ITGA6: variants seen among roughly 807,000 people sequenced by gnomAD.
The protein encoded by ITGA6 is integrin subunit alpha 6.
Under a neutral mutation model 133.6 loss-of-function variants are expected in ITGA6, and 63 were observed. The observed-to-expected ratio is 0.47, with a 90% CI of 0.38 to 0.58. ITGA6 has a LOEUF of 0.58. Among genes scored for constraint, ITGA6 ranks in the 20% least tolerant of loss-of-function variants. The pLI is 0.00. For synonymous variants in ITGA6, 434 were observed against 482.0 expected, an observed-to-expected ratio of 0.90 and a Z score of 1.30; for missense variants, 1,068 against 1,309.4, an observed-to-expected ratio of 0.82 and a Z score of 2.85.
chr2:172,456,396 A>C (rs1410318327), intron 1 of ITGA6, among the ~76,000 whole-genome samples: 2 of 152,194 alleles, frequency 1.3e-5, no homozygotes, highest in Non-Finnish European at 2.9e-5. Context: ...TGTTGAATTC[A>C]AGCTGCTGCA....
chr2:172,454,249 G>A (rs1685126743), intron 1 of ITGA6, among the ~76,000 whole-genome samples: 1 of 151,806 alleles, frequency 6.6e-6, no homozygotes, highest in Non-Finnish European at 1.5e-5. Flanking sequence ...GTGCCCACCT[G>A]ATTTTTGTAT....
In ITGA6 at chr2:172,453,217, A is replaced by AT. The variant is rs532859476; in HGVS notation, c.183-12309dup. 7.8e-3 allele frequency among the ~76,000 whole-genome samples: 1,154 copies of AT among 148,574 alleles called. 15 individuals carry two copies. The highest frequency in any genetic ancestry group is 0.025 in the African/African-American group (1,020 of 40,802). ...TTAATTATAATCTAACTGTTACACA[A>AT]TTTTTTTTTTTTTAAATCACAGTAC... On this transcript the variant is annotated intron_variant, in intron 1 of 25. Transcript: ENST00000684293.
At chr2:172,479,188 A>G (rs1453413828) in intron 9 of ITGA6, among the ~76,000 whole-genome samples, 1 of 152,240 alleles carries the variant, frequency 6.6e-6, no homozygotes, top group African/African-American at 2.4e-5. Flanking sequence ...AACTAGATCT[A>G]TGTGTATATA....
At chr2:172,497,783 G>C (rs1193582195) in intron 23 of ITGA6, among the ~76,000 whole-genome samples, 192 bp from the exon 24 acceptor site, 2 of 152,232 alleles carry the variant, frequency 1.3e-5, no homozygotes, top group East Asian at 3.9e-4. Flanking sequence ...AGATTCTGGG[G>C]AAAGATCTTC....
intron 1 of ITGA6, among the ~76,000 whole-genome samples, chr2:172,435,798 T>G (rs1017517188): frequency 6.6e-6 from 1 of 151,764 alleles, no homozygotes; most frequent in African/African-American, 2.4e-5. Flanking sequence ...CAGCAATTTT[T>G]TTGTGTTTTT....
At chr2:172,466,411 G>A (rs6728123) in intron 2 of ITGA6, among the ~76,000 whole-genome samples, 21,376 of 152,152 alleles carry the variant, frequency 0.14, 1,655 homozygotes, top group Non-Finnish European at 0.17. Context: ...TTTGAGGTCA[G>A]GAGTTCAAGA....
chr2:172,435,029 T>A (rs976877742), intron 1 of ITGA6, among the ~76,000 whole-genome samples: 3 of 109,050 alleles, frequency 2.8e-5, no homozygotes, highest in Non-Finnish European at 4.0e-5. Flanking sequence ...TGGTTTTAAG[T>A]GTGTGTGTGT....
At position 172,489,499 on chromosome 2, in the gene ITGA6, TA is replaced by T; in HGVS notation, c.2523del (p.Lys841AsnfsTer11). On this transcript the variant is annotated frameshift_variant, in exon 20 of 26. Coordinates refer to ENST00000684293, the MANE Select transcript of ITGA6 (RefSeq NM_000210.4). LOFTEE classifies it high-confidence loss of function. ...EYEFRVINLG[K>X]PLTNLGTATL... Reference sequence around the variant, plus strand: ...TTTTCTAACAGGTAATAAACTTAGGTAAACCTCTTACAAACCTCGGCACAGC... The same window carrying T: ...TTTTCTAACAGGTAATAAACTTAGGTAACCTCTTACAAACCTCGGCACAGC... 2 of 1,613,084 alleles carry T rather than the reference TA, an allele frequency of 1.2e-6. No individual in the cohort carries two copies. The highest frequency in any genetic ancestry group is 1.7e-6 in the Non-Finnish European group (2 of 1,179,046).
At chr2:172,500,820 C>T (rs1251375910) in intron 24 of ITGA6, among the ~76,000 whole-genome samples, 4 of 152,234 alleles carry the variant, frequency 2.6e-5, no homozygotes, top group East Asian at 3.9e-4. Context: ...CGGTTAGGCA[C>T]GTGGAATATG....
chr2:172,502,667 G>A (rs1687395688), intron 25 of ITGA6, among the ~76,000 whole-genome samples: 1 of 152,184 alleles, frequency 6.6e-6, no homozygotes, highest in South Asian at 2.1e-4. Context: ...TGTTGTGATG[G>A]AGTTTGACCA....
At chr2:172,476,602 T>C in intron 9 of ITGA6, 89 bp downstream of exon 9, 1 of 811,862 alleles carries the variant, frequency 1.2e-6, no homozygotes, top group Non-Finnish European at 2.2e-6. Flanking sequence ...TTGTCATACC[T>C]ATACTTCAAA....
chr2:172,436,040 C>T (rs1255688530), intron 1 of ITGA6, among the ~76,000 whole-genome samples: 47 of 152,134 alleles, frequency 3.1e-4, no homozygotes, highest in Admixed American at 3.0e-3. Context: ...AGTGAGTCCT[C>T]GTTACTGCTG....
intron 1 of ITGA6, chr2:172,428,211 A>G: frequency 4.0e-6 from 1 of 252,472 alleles, no homozygotes; most frequent in Non-Finnish European, 7.4e-6. Context: ...GGGCCCCGGG[A>G]GAGTTTACTT....
At chr2:172,469,453 G>A in intron 4 of ITGA6, 73 bp downstream of exon 4, 1 of 775,198 alleles carries the variant, frequency 1.3e-6, no homozygotes, top group South Asian at 3.3e-5. Flanking sequence ...TACATTTTGA[G>A]CTAAAATGTG....
chr2:172,459,814 G>A (rs1417730696), intron 1 of ITGA6, among the ~76,000 whole-genome samples: 1 of 152,224 alleles, frequency 6.6e-6, no homozygotes, highest in Non-Finnish European at 1.5e-5. Context: ...GTTCCAGCAT[G>A]ATCCTGTGTA....
intron 23 of ITGA6, among the ~76,000 whole-genome samples, chr2:172,493,201 C>A (rs988313886): frequency 6.6e-6 from 1 of 152,012 alleles, no homozygotes; most frequent in Admixed American, 6.6e-5. Context: ...AGCCACTGCA[C>A]CCAGCCCCAG....
At chr2:172,487,195 G>A in intron 14 of ITGA6, 57 bp downstream of exon 14, 1 of 1,527,300 alleles carries the variant, frequency 6.5e-7, no homozygotes, top group Non-Finnish European at 9.1e-7. Flanking sequence ...GTGGCTTTGT[G>A]TTAAGAAAGT....
At chr2:172,488,390 T>C (rs1454619432) in intron 19 of ITGA6, among the ~76,000 whole-genome samples, 162 bp downstream of exon 19, 2 of 152,278 alleles carry the variant, frequency 1.3e-5, no homozygotes, top group East Asian at 1.9e-4. Flanking sequence ...TACTGGCTTA[T>C]AGTAAAAATT....
chr2:172,446,544 G>C (rs1222905921), intron 1 of ITGA6, among the ~76,000 whole-genome samples: 1 of 152,212 alleles, frequency 6.6e-6, no homozygotes, highest in Non-Finnish European at 1.5e-5. Context: ...ACTGTGCAAA[G>C]GTCAGGGATG....
Sources: allele counts gnomAD v4.1 joint callset (sites outside exome capture counted in the v4.1 genomes callset), GRCh38; gene constraint gnomAD v4.1.1; transcripts MANE v1.5; gene names NCBI Gene and HGNC (gene_info 2026-07-23, HGNC 2026-07-21).